The following STK3 variants were observed in gnomAD, a reference collection of about 807,000 sequenced individuals.
STK3 encodes serine/threonine kinase 3.
STK3 carries 41 observed loss-of-function variants against 58.0 expected under a neutral mutation model. The ratio of observed to expected loss-of-function variants is 0.71; its 90% confidence interval spans 0.55 to 0.92. The LOEUF is 0.92. Ranked by LOEUF, STK3 falls within the 40% of genes least tolerant of loss-of-function variation. The pLI, the probability that STK3 is intolerant of heterozygous loss-of-function variation, is 0.00. For missense variants in STK3, 479 were observed against 602.7 expected, an observed-to-expected ratio of 0.79 and a Z score of 2.15; for synonymous variants, 170 against 191.0, an observed-to-expected ratio of 0.89 and a Z score of 0.91.
At chr8:98,905,279 T>A (rs1195061375) in intron 1 of STK3, 6 of 830,210 alleles carry the variant, frequency 7.2e-6, no homozygotes, top group African/African-American at 3.3e-5. Context: ...TCAAGGCCCC[T>A]GACGGTCTCA....
intron 8 of STK3, among the ~76,000 whole-genome samples, chr8:98,553,617 A>G (rs991511841): frequency 6.6e-6 from 1 of 152,174 alleles, no homozygotes; most frequent in Non-Finnish European, 1.5e-5. Context: ...TCATTTATTT[A>G]ATAATGAAAA....
intron 10 of STK3, among the ~76,000 whole-genome samples, chr8:98,522,941 C>CCAT (rs2131462880): frequency 6.6e-6 from 1 of 152,256 alleles, no homozygotes; most frequent in East Asian, 1.9e-4. Flanking sequence ...ATCCATTCAT[C>CCAT]CATCAATGGA....
At chr8:98,639,199 T>A (rs1307438409) in intron 6 of STK3, among the ~76,000 whole-genome samples, 3 of 150,754 alleles carry the variant, frequency 2.0e-5, no homozygotes, top group African/African-American at 7.3e-5. Context: ...AGTCTCAACC[T>A]CCTGGGCTCA....
At chr8:98,580,164 G>A (rs1215932274) in intron 7 of STK3, among the ~76,000 whole-genome samples, 15 of 152,178 alleles carry the variant, frequency 9.9e-5, no homozygotes, top group Admixed American at 6.5e-4. Context: ...ACTGAGTTAC[G>A]TAATTTAATT....
chr8:98,587,304 T>C (rs1033085721), intron 7 of STK3, among the ~76,000 whole-genome samples: 1 of 152,068 alleles, frequency 6.6e-6, no homozygotes, highest in African/African-American at 2.4e-5. Flanking sequence ...TGTGTCTTTG[T>C]TCTCATTGGT....
chr8:98,426,639 G>A (rs1437802930), intron 3 of STK3, among the ~76,000 whole-genome samples: 1 of 152,168 alleles, frequency 6.6e-6, no homozygotes, highest in Non-Finnish European at 1.5e-5. Context: ...CCTAAAAGGG[G>A]ACACCTGGAG....
At chr8:98,779,381 T>A (rs1306958897) in intron 1 of STK3, among the ~76,000 whole-genome samples, 1 of 152,228 alleles carries the variant, frequency 6.6e-6, no homozygotes, top group Non-Finnish European at 1.5e-5. Flanking sequence ...AGAAAATGAT[T>A]GCTTATCAGT....
intron 10 of STK3, among the ~76,000 whole-genome samples, chr8:98,514,751 C>T (rs1563688215): frequency 6.6e-6 from 1 of 152,048 alleles, no homozygotes. Context: ...TGGTTGATCT[C>T]ATATACTTTT....
At chr8:98,936,248 C>T (rs945211500) in intron 1 of STK3, among the ~76,000 whole-genome samples, 3 of 152,052 alleles carry the variant, frequency 2.0e-5, no homozygotes, top group Non-Finnish European at 2.9e-5. Context: ...CTCAGAATAT[C>T]CTTAATTTGC....
downstream of STK3, among the ~76,000 whole-genome samples, chr8:98,454,341 C>A (rs1819340935): frequency 6.6e-6 from 1 of 152,172 alleles, no homozygotes; most frequent in Non-Finnish European, 1.5e-5. Flanking sequence ...CTGGCTGGAG[C>A]TAGTATGAAA....
intron 8 of STK3, among the ~76,000 whole-genome samples, chr8:98,571,690 A>G (rs1226803630): frequency 1.3e-5 from 2 of 152,204 alleles, no homozygotes; most frequent in African/African-American, 4.8e-5. Flanking sequence ...TGAGTCATTA[A>G]TAAGTTAATA....
At chr8:98,506,099 G>T (rs886682995) in intron 10 of STK3, among the ~76,000 whole-genome samples, 2 of 152,216 alleles carry the variant, frequency 1.3e-5, no homozygotes, top group African/African-American at 4.8e-5. Flanking sequence ...TCAAGCCTCA[G>T]CAATGGCGGA....
At chr8:98,487,661 A>T (rs886905085) in intron 10 of STK3, among the ~76,000 whole-genome samples, 9 of 152,184 alleles carry the variant, frequency 5.9e-5, no homozygotes, top group Non-Finnish European at 1.0e-4. Context: ...CTTCATTTTT[A>T]ACTAAAAATG....
Position 98,851,870 on chromosome 8 carries a change from A to G in STK3, c.110+31777T>C, listed in dbSNP as rs114896704. 6.6e-3 allele frequency among the ~76,000 whole-genome samples: 1,002 copies of G among 152,296 alleles called. 9 individuals are homozygous for G. The highest frequency in any genetic ancestry group is 0.023 in the African/African-American group (969 of 41,574). ...CATGGTGGTGCAAACCTGTAGTTCT[A>G]GCTACTTAGCTAGAGGCTAAGGTGT... On this transcript the variant is annotated intron_variant, in intron 3 of 12. Coordinates refer to the STK3 transcript ENST00000523601.
At chr8:98,920,863 G>A (rs1839531811) in intron 1 of STK3, among the ~76,000 whole-genome samples, 1 of 152,264 alleles carries the variant, frequency 6.6e-6, no homozygotes, top group Admixed American at 6.5e-5. Flanking sequence ...AGAGCTGGGA[G>A]GAGGCAAATT....
At chr8:98,820,522 T>C (rs1834822074) in intron 1 of STK3, among the ~76,000 whole-genome samples, 2 of 152,180 alleles carry the variant, frequency 1.3e-5, no homozygotes, top group Non-Finnish European at 2.9e-5. Context: ...GTATTAAATA[T>C]ATTTTCATGC....
At chr8:98,373,439 T>C (rs4734400) in intron 2 of STK3, among the ~76,000 whole-genome samples, 4,829 of 152,346 alleles carry the variant, frequency 0.032, 340 homozygotes, top group East Asian at 0.16. Context: ...CTTATTCTCT[T>C]ACATTCCTGA....
chr8:98,874,629 A>AT lies in STK3; in HGVS notation c.110+9017dup, dbSNP rs559248471. Among the ~76,000 whole-genome samples the AT allele has an allele frequency of 1.1e-3, 163 of 151,626 alleles. 2 individuals are homozygous for AT. The South Asian group carries it at 0.018, about 16-fold the overall frequency. On this transcript the variant is annotated intron_variant, in intron 3 of 12. Coordinates refer to the STK3 transcript ENST00000523601. ...TGTGCTATCCATCAAAATGTTTATA[A>AT]TTTTTTTTGTTTTTGGAGACAAGTT... is the stretch of plus-strand genomic sequence containing the variant.
intron 1 of STK3, among the ~76,000 whole-genome samples, chr8:98,822,103 T>A (rs535515144): frequency 9.2e-5 from 14 of 152,146 alleles, no homozygotes; most frequent in African/African-American, 3.1e-4. Flanking sequence ...ACTAAAAATA[T>A]AAAGGCATGT....
Sources: allele counts gnomAD v4.1 joint callset (sites outside exome capture counted in the v4.1 genomes callset), GRCh38; gene constraint gnomAD v4.1.1; transcripts MANE v1.5; gene names NCBI Gene and HGNC (gene_info 2026-07-23, HGNC 2026-07-21).